Variants in ITCH observed in about 807,000 individuals in gnomAD.
ITCH encodes the protein itchy E3 ubiquitin protein ligase, also known as E3 ubiquitin-protein ligase Itchy homolog.
In ITCH, 28 loss-of-function variants were observed where a neutral mutation model predicts 126.8. The ratio of observed to expected loss-of-function variants is 0.22; its 90% CI spans 0.16 to 0.30. The LOEUF is 0.30. ITCH is among the 10% of genes least tolerant of loss of function. ITCH has a pLI of 1.00. For missense variants in ITCH, 631 were observed against 1,032.4 expected, an observed-to-expected ratio of 0.61 and a Z score of 5.33; for synonymous variants, 342 against 340.0, an observed-to-expected ratio of 1.01 and a Z score of -0.06.
rs1260242239 is a variant in ITCH at position 34,511,355 on chromosome 20, A to T, written c.*3561A>T. On this transcript the variant is annotated 3_prime_UTR_variant, in exon 25 of 25. Transcript: ENST00000374864. ...TGCCTCACTTGCGTTTTCCTACAAG[A>T]TGTAAGACTGTTTATAATTAAACTT... The T allele has an allele frequency of 6.6e-6, 1 of 152,198 alleles. No homozygotes were observed. Among genetic ancestry groups the T allele is most frequent in the African/African-American group, 2.4e-5 (1 of 41,442 alleles). The allele number at this position is 152,198 out of a possible 1,614,324, so 9.4% of individuals were successfully genotyped here. A position where few individuals can be genotyped will look rare whatever the true frequency, so the allele number is the denominator to read the frequency against.
At chr20:34,375,167 A>C (rs1407528222) in intron 2 of ITCH, among the ~76,000 whole-genome samples, 1 of 150,596 alleles carries the variant, frequency 6.6e-6, no homozygotes, top group Admixed American at 6.6e-5. Context: ...TCAGCCTCCC[A>C]AGTAGCTGGG....
chr20:34,497,520 T>A (rs1989968029), intron 23 of ITCH, among the ~76,000 whole-genome samples: 1 of 152,190 alleles, frequency 6.6e-6, no homozygotes, highest in African/African-American at 2.4e-5. Context: ...TGTAGTTCAG[T>A]ATGAGTTTTA....
chr20:34,476,483 G>T, intron 16 of ITCH: 3 of 1,211,206 alleles, frequency 2.5e-6, no homozygotes. Flanking sequence ...ATCGCCCGCG[G>T]TCGGGAACTC....
intron 12 of ITCH, among the ~76,000 whole-genome samples, chr20:34,456,214 ATTT>A (rs1174099069): frequency 2.3e-4 from 4 of 17,716 alleles, no homozygotes; most frequent in Non-Finnish European, 2.9e-4. Context: ...ATATATATAT[ATTT>A]TTTTTTTTTT....
chr20:34,506,722 AATGACTCCCC>A (rs1990640354), intron 24 of ITCH, among the ~76,000 whole-genome samples: 1 of 152,164 alleles, frequency 6.6e-6, no homozygotes, highest in African/African-American at 2.4e-5. Context: ...TGCTTTAAAC[AATGACTCCCC>A]ATGACTCCCT....
In ITCH at chr20:34,384,526, G is replaced by A. The variant is rs142226038; in HGVS notation, c.-21-9265G>A. The stretch of plus-strand genomic sequence containing the variant: ...GAACTCCTGACCTTGTGATCCACCC[G>A]CCTCAGCTTCCCAAAGTGCTCAGAT... On this transcript the variant is annotated intron_variant, in intron 2 of 24. Coordinates refer to ENST00000374864, the MANE Select transcript of ITCH (RefSeq NM_031483.7). 9.1e-3 allele frequency among the ~76,000 whole-genome samples: 1,379 copies of A among 152,012 alleles called. 20 individuals carry two copies. Among genetic ancestry groups the A allele is most frequent in the African/African-American group, 0.031 (1,302 of 41,490 alleles).
chr20:34,476,624 T>A, intron 16 of ITCH: 1 of 409,680 alleles, frequency 2.4e-6, no homozygotes, highest in Non-Finnish European at 3.8e-6. Context: ...AGTTTTTTGT[T>A]ACATCTGGGA....
chr20:34,448,758 G>A (rs544410062), intron 11 of ITCH, among the ~76,000 whole-genome samples: 4 of 152,106 alleles, frequency 2.6e-5, no homozygotes, highest in Middle Eastern at 3.4e-3. Context: ...ACACAGAGTC[G>A]GTGTGACTTT....
At chr20:34,417,144 T>A (rs1979989721) in intron 6 of ITCH, 1 of 682,832 alleles carries the variant, frequency 1.5e-6, no homozygotes, top group Non-Finnish European at 2.7e-6. Context: ...TTGCCCAGGC[T>A]GGAGTGCAAT....
intron 3 of ITCH, among the ~76,000 whole-genome samples, chr20:34,400,304 A>G (rs1464883167): frequency 6.6e-6 from 1 of 152,052 alleles, no homozygotes; most frequent in Non-Finnish European, 1.5e-5. Flanking sequence ...TCCTGGCCTC[A>G]AGTGATGCTC....
chr20:34,489,907 A>C lies in ITCH; in HGVS notation c.2300A>C (p.Gln767Pro). 1 of 1,613,736 alleles carries C rather than the reference A, an allele frequency of 6.2e-7. No homozygotes were observed. Among genetic ancestry groups the C allele is most frequent in the Non-Finnish European group, 8.5e-7 (1 of 1,179,708 alleles). The stretch of plus-strand genomic sequence containing the variant: ...CGTCATTATGCAAGGACCAGCAAAC[A>C]AATCATGTGGTTTTGGCAGGTTTGT... Reference protein sequence around the residue: ...IYRHYARTSKQIMWFWQFVKE... With the variant: ...IYRHYARTSKPIMWFWQFVKE... Residue 767 changes from glutamine to proline, a missense_variant, in exon 22 of 25, where the codon CAA becomes CCA. By Grantham distance (76) the Gln-to-Pro change is moderately conservative. Coordinates refer to ENST00000374864, the MANE Select transcript of ITCH (RefSeq NM_031483.7).
At chr20:34,464,157 T>G (rs1986804681) in intron 14 of ITCH, among the ~76,000 whole-genome samples, 1 of 151,158 alleles carries the variant, frequency 6.6e-6, no homozygotes, top group Admixed American at 6.6e-5. Flanking sequence ...TTTTTTTTTT[T>G]TGTATTTTGT....
intron 11 of ITCH, among the ~76,000 whole-genome samples, chr20:34,448,346 T>A (rs1193160531): frequency 6.6e-6 from 1 of 151,602 alleles, no homozygotes; most frequent in Non-Finnish European, 1.5e-5. Context: ...TGAGCCGAGA[T>A]CGTGCCACTG....
intron 2 of ITCH, among the ~76,000 whole-genome samples, chr20:34,391,206 C>T (rs1373621788): frequency 6.6e-6 from 1 of 152,160 alleles, no homozygotes; most frequent in African/African-American, 2.4e-5. Flanking sequence ...AACAGTGATA[C>T]ATGTCCTATT....
At chr20:34,372,005 A>G (rs2037649244) in intron 2 of ITCH, among the ~76,000 whole-genome samples, 1 of 152,058 alleles carries the variant, frequency 6.6e-6, no homozygotes, top group Admixed American at 6.6e-5. Flanking sequence ...GATATCAGAA[A>G]TATCTTATAA....
chr20:34,401,132 C>T (rs2038870233), intron 3 of ITCH, among the ~76,000 whole-genome samples: 1 of 152,100 alleles, frequency 6.6e-6, no homozygotes, highest in Admixed American at 6.6e-5. Context: ...TGAATCAGCT[C>T]TTCGTTTCTT....
Position 34,468,583 on chromosome 20 carries a change from G to T in ITCH, c.1425-1465G>T, listed in dbSNP as rs549142889. Among the ~76,000 whole-genome samples, 8 of 151,974 alleles carry T rather than the reference G, an allele frequency of 5.3e-5. No individual in the cohort carries two copies. The East Asian group carries it at 1.6e-3, about 30-fold the overall frequency. ...AGGCAGGCAGATCACTTGAGGCCAG[G>T]AGTTTGAGACCAGCCTGGCCAACAT... is the stretch of plus-strand genomic sequence containing the variant. On this transcript the variant is annotated intron_variant, in intron 14 of 24. Coordinates refer to ENST00000374864, the MANE Select transcript of ITCH (RefSeq NM_031483.7).
chr20:34,378,471 C>CAAAAAA (rs35400213), intron 2 of ITCH, among the ~76,000 whole-genome samples: 13 of 48,670 alleles, frequency 2.7e-4, no homozygotes, highest in African/African-American at 1.0e-3. Context: ...AACTCTGTCT[C>CAAAAAA]AAAAAAAAAA....
rs548308214 is a variant in ITCH at position 34,449,277 on chromosome 20, C to G, written c.1141-134C>G. 6.6e-5 allele frequency: 41 copies of G among 619,782 alleles called. No homozygotes were observed. The African/African-American group carries it at 6.8e-4, about 10-fold the overall frequency. 38.4% of individuals were successfully genotyped at this position (619,782 alleles called of 1,614,324 possible). On this transcript the variant is annotated intron_variant, in intron 11 of 24. Transcript: ENST00000374864. ...AAAGTATATTGGCATTTATCCATAACCATGTGACACTTCTTTAAGATACAA... is the reference window on the plus strand; with the variant it reads ...AAAGTATATTGGCATTTATCCATAAGCATGTGACACTTCTTTAAGATACAA...
Sources: allele counts gnomAD v4.1 joint callset (sites outside exome capture counted in the v4.1 genomes callset), GRCh38; gene constraint gnomAD v4.1.1; transcripts MANE v1.5; gene names NCBI Gene and HGNC (gene_info 2026-07-23, HGNC 2026-07-21).